The following MYO3B variants were observed in gnomAD, a reference collection of about 807,000 sequenced individuals.
MYO3B encodes the protein myosin-IIIb.
In MYO3B, 156 loss-of-function variants were observed where a neutral mutation model predicts 174.6. That is an observed-to-expected ratio of 0.89 (90% CI 0.78 to 1.02). The LOEUF is 1.02. MYO3B is among the 50% of genes least tolerant of loss of function. The pLI, the probability that MYO3B is intolerant of heterozygous loss-of-function variation, is 0.00. For synonymous variants in MYO3B, 563 were observed against 569.1 expected (o/e 0.99, Z 0.15); for missense variants, 1,632 against 1,639.4 (o/e 1.00, Z 0.08).
rs929926364 is a variant in MYO3B, at chr2:170,654,209, T to G, written c.*1088T>G. 1 of 152,192 alleles carries G rather than the reference T, an allele frequency of 6.6e-6. No individual in the cohort carries two copies. Among genetic ancestry groups the G allele is most frequent in the African/African-American group, 2.4e-5 (1 of 41,462 alleles). The allele number at this position is 152,192 out of a possible 1,614,324, so 9.4% of individuals were successfully genotyped here. On this transcript the variant is annotated 3_prime_UTR_variant, in exon 35 of 35. Coordinates refer to ENST00000408978, the MANE Select transcript of MYO3B (RefSeq NM_138995.5). ...TCAACATGATTCAGTATGACAAACT[T>G]TTTTGAGCACCTACTTTATATAAAA... is the stretch of plus-strand genomic sequence containing the variant.
At chr2:170,624,721 T>C (rs1032387027) in intron 32 of MYO3B, among the ~76,000 whole-genome samples, 3 of 152,182 alleles carry the variant, frequency 2.0e-5, no homozygotes, top group African/African-American at 4.8e-5. Context: ...ATAGCTCTTA[T>C]TATTTTGATA....
chr2:170,305,786 C>A (rs895781835), intron 7 of MYO3B, among the ~76,000 whole-genome samples: 1 of 152,072 alleles, frequency 6.6e-6, no homozygotes, highest in African/African-American at 2.4e-5. Context: ...CAGGGTCTTA[C>A]TATATTACCT....
At chr2:170,414,266 A>C (rs1558978426) in intron 22 of MYO3B, among the ~76,000 whole-genome samples, 3 of 151,952 alleles carry the variant, frequency 2.0e-5, no homozygotes, top group Non-Finnish European at 4.4e-5. Context: ...CAGCTCACTG[A>C]AACATCCATC....
At chr2:170,374,461 G>T (rs1322475020) in intron 9 of MYO3B, among the ~76,000 whole-genome samples, 1 of 152,136 alleles carries the variant, frequency 6.6e-6, no homozygotes, top group Non-Finnish European at 1.5e-5. Context: ...GAGCTTGTGG[G>T]CAACTTCGGT....
chr2:170,448,765 A>G (rs1683407058), intron 23 of MYO3B, among the ~76,000 whole-genome samples: 1 of 150,264 alleles, frequency 6.7e-6, no homozygotes, highest in African/African-American at 2.4e-5. Context: ...AAAACTCAAG[A>G]ACAACTAACA....
At chr2:170,499,833 A>T in intron 27 of MYO3B, 25 bp downstream of exon 27, 1 of 1,611,434 alleles carries the variant, frequency 6.2e-7, no homozygotes, top group East Asian at 2.2e-5. Flanking sequence ...TCTCATAAAT[A>T]CTGCCCTGGG....
chr2:170,250,276 A>G (rs2093236941), intron 7 of MYO3B, among the ~76,000 whole-genome samples: 1 of 152,248 alleles, frequency 6.6e-6, no homozygotes, highest in African/African-American at 2.4e-5. Flanking sequence ...AAAATTTAGT[A>G]GCACTTGTTC....
At chr2:170,628,006 C>T (rs1272703729) in intron 32 of MYO3B, among the ~76,000 whole-genome samples, 2 of 152,068 alleles carry the variant, frequency 1.3e-5, no homozygotes, top group African/African-American at 4.8e-5. Flanking sequence ...CAGGGACCCA[C>T]TTGAGGCAGT....
chr2:170,183,506 T>C (rs942906882), intron 1 of MYO3B, among the ~76,000 whole-genome samples: 2 of 152,166 alleles, frequency 1.3e-5, no homozygotes, highest in Admixed American at 6.5e-5. Context: ...TTTTAACATA[T>C]AGAAAAATAT....
chr2:170,296,169 A>C (rs2093627630), intron 7 of MYO3B, among the ~76,000 whole-genome samples: 1 of 152,230 alleles, frequency 6.6e-6, no homozygotes, highest in South Asian at 2.1e-4. Flanking sequence ...TTCCATGTAC[A>C]ACTTTGGCCC....
At chr2:170,472,231 C>T (rs2105984035) in intron 25 of MYO3B, among the ~76,000 whole-genome samples, 1 of 152,298 alleles carries the variant, frequency 6.6e-6, no homozygotes, top group African/African-American at 2.4e-5. Context: ...AAATGACCAT[C>T]CAGGCCCCCA....
chr2:170,492,236 G>C (rs569520464), intron 25 of MYO3B, among the ~76,000 whole-genome samples: 1 of 152,198 alleles, frequency 6.6e-6, no homozygotes. Context: ...ACTGGGCACT[G>C]TTCCTTCTAA....
chr2:170,407,603 T>TCTGG, intron 21 of MYO3B, 112 bp from the exon 22 acceptor site: 1 of 430,730 alleles, frequency 2.3e-6, no homozygotes. Flanking sequence ...GAAAGCTATG[T>TCTGG]AAAGATGAGT....
chr2:170,551,147 G>T (rs1042793057), intron 32 of MYO3B, among the ~76,000 whole-genome samples: 2 of 151,716 alleles, frequency 1.3e-5, no homozygotes, highest in Admixed American at 6.6e-5. Flanking sequence ...TCATCCATCT[G>T]CCTCAGCCTC....
At chr2:170,296,131 T>C (rs1030243679) in intron 7 of MYO3B, among the ~76,000 whole-genome samples, 9 of 152,210 alleles carry the variant, frequency 5.9e-5, no homozygotes, top group African/African-American at 2.2e-4. Flanking sequence ...TGGAAGATCT[T>C]TCCCAGTGAG....
At chr2:170,409,248 G>C (rs2094530437) in intron 22 of MYO3B, among the ~76,000 whole-genome samples, 1 of 152,206 alleles carries the variant, frequency 6.6e-6, no homozygotes, top group Admixed American at 6.5e-5. Flanking sequence ...GCGCTATGCA[G>C]AAAGTAAGGC....
At chr2:170,452,908 T>C (rs1683680050) in intron 23 of MYO3B, among the ~76,000 whole-genome samples, 1 of 152,178 alleles carries the variant, frequency 6.6e-6, no homozygotes. Context: ...AGGCTGCCAT[T>C]GTCAAAAAAA....
rs923588982 is a variant in MYO3B, at chr2:170,350,065, G to A, written c.815+14615G>A. On this transcript the variant is annotated intron_variant, in intron 8 of 34. Coordinates refer to ENST00000408978, the MANE Select transcript of MYO3B (RefSeq NM_138995.5). Reference sequence around the variant, plus strand: ...TGCCCAGGCTGGATTGCAGTGGCGCGATCTCGGCTCATTGCAATCTCAACC... The same window carrying A: ...TGCCCAGGCTGGATTGCAGTGGCGCAATCTCGGCTCATTGCAATCTCAACC... 4.6e-5 allele frequency among the ~76,000 whole-genome samples: 7 copies of A among 151,854 alleles called. No individual in the cohort carries two copies. The East Asian group carries it at 9.7e-4, about 21-fold the overall frequency.
intron 1 of MYO3B, among the ~76,000 whole-genome samples, chr2:170,193,399 TC>T (rs1273680299): frequency 6.6e-6 from 1 of 152,092 alleles, no homozygotes; most frequent in Non-Finnish European, 1.5e-5. Flanking sequence ...ATCTTTGACT[TC>T]TTTTTTTTAC....
Sources: gnomAD v4.1 joint callset for allele counts (sites outside exome capture counted in the v4.1 genomes callset) on GRCh38, gnomAD v4.1.1 for gene constraint, MANE v1.5 for transcripts, NCBI Gene and HGNC (gene_info 2026-07-23, HGNC 2026-07-21) for gene names.